Variants in CTXND1 observed in about 807,000 individuals in gnomAD.
CTXND1 encodes the protein cortexin domain-containing 1 protein.
rs2041448935 is a variant in CTXND1, at chr15:80,201,508, A to G, written c.*262T>C. ...CTATCATCTCACAGGGACTCCCCAC[A>G]CTGGAACCCCAGCCTCCTGGGTCCT... is the stretch of plus-strand genomic sequence containing the variant. On this transcript the variant is annotated 3_prime_UTR_variant, in exon 3 of 3. Transcript: ENST00000560778. 2 of 343,182 alleles carry G rather than the reference A, an allele frequency of 5.8e-6. No homozygotes were observed. The highest frequency in any genetic ancestry group is 3.1e-4 in the South Asian group (2 of 6,518). The allele number at this position is 343,182 out of a possible 1,614,324, so 21.3% of individuals were successfully genotyped here. A position where few individuals can be genotyped will look rare whatever the true frequency, so the allele number is the denominator to read the frequency against.
intron 1 of CTXND1, among the ~76,000 whole-genome samples, chr15:80,234,570 C>T (rs151309741): frequency 0.014 from 2,146 of 151,718 alleles, 63 homozygotes; most frequent in African/African-American, 0.05. Context: ...GTCTACCTCC[C>T]GGGTTCAAGT....
chr15:80,216,040 T>G (rs558783776), intron 1 of CTXND1, among the ~76,000 whole-genome samples: 3 of 152,366 alleles, frequency 2.0e-5, no homozygotes, highest in African/African-American at 7.2e-5. Flanking sequence ...CTATGTTAGA[T>G]TTCCACCTTG....
chr15:80,244,751 G>A (rs1478230756), intron 1 of CTXND1, among the ~76,000 whole-genome samples: 1 of 152,326 alleles, frequency 6.6e-6, no homozygotes, highest in African/African-American at 2.4e-5. Context: ...GATGCTGCTG[G>A]TCTGTGACCC....
chr15:80,206,135 T>C (rs1003724832), intron 1 of CTXND1, among the ~76,000 whole-genome samples: 1 of 152,242 alleles, frequency 6.6e-6, no homozygotes, highest in African/African-American at 2.4e-5. Context: ...TCCATCCTTT[T>C]TATTTTTGGA....
At chr15:80,233,452 C>T (rs922404309) in intron 1 of CTXND1, among the ~76,000 whole-genome samples, 4 of 152,150 alleles carry the variant, frequency 2.6e-5, no homozygotes, top group Non-Finnish European at 5.9e-5. Context: ...GTATCCAAGC[C>T]TCCAATCTGG....
intron 1 of CTXND1, among the ~76,000 whole-genome samples, chr15:80,235,081 T>G (rs1329337021): frequency 3.9e-5 from 6 of 152,120 alleles, no homozygotes; most frequent in Admixed American, 3.9e-4. Flanking sequence ...CCTTTGCCTC[T>G]CAGCTGCTCT....
intron 1 of CTXND1, among the ~76,000 whole-genome samples, chr15:80,249,008 A>G (rs768478732): frequency 2.0e-5 from 3 of 151,786 alleles, no homozygotes; most frequent in Non-Finnish European, 4.4e-5. Context: ...GCTGGAGTAT[A>G]GTGGTGCAAT....
At position 80,244,381 on chromosome 15, in the gene CTXND1, T is replaced by G. The variant is rs543876269; in HGVS notation, c.-218+7626A>C. ...GATCCTTACATTATTCTTGAAAAAT[T>G]GAACCACGAGGAGGCACAGCCCAAC... is the stretch of plus-strand genomic sequence containing the variant. On this transcript the variant is annotated intron_variant, in intron 1 of 2. Coordinates refer to ENST00000560778, the MANE Select transcript of CTXND1 (RefSeq NM_001352888.2). Among the ~76,000 whole-genome samples the G allele has an allele frequency of 2.6e-5, 4 of 152,314 alleles. No individual in the cohort carries two copies. The East Asian group carries it at 7.7e-4, about 29-fold the overall frequency.
At chr15:80,241,122 G>A (rs1427706890) in intron 1 of CTXND1, among the ~76,000 whole-genome samples, 1 of 152,166 alleles carries the variant, frequency 6.6e-6, no homozygotes, top group Non-Finnish European at 1.5e-5. Context: ...ACAAAGAGAT[G>A]GGGGCAACTA....
At chr15:80,220,106 C>T (rs1893296392) in intron 1 of CTXND1, among the ~76,000 whole-genome samples, 1 of 108,758 alleles carries the variant, frequency 9.2e-6, no homozygotes, top group African/African-American at 3.3e-5. Flanking sequence ...TCTCATCTAT[C>T]TATCTATCTA....
chr15:80,221,052 G>GCACCCGC (rs1893310641), intron 1 of CTXND1, among the ~76,000 whole-genome samples: 1 of 151,790 alleles, frequency 6.6e-6, no homozygotes, highest in Non-Finnish European at 1.5e-5. Flanking sequence ...GGGACTACAG[G>GCACCCGC]CACCCGCCAC....
intron 1 of CTXND1, among the ~76,000 whole-genome samples, chr15:80,209,003 A>G (rs1893178389): frequency 6.6e-6 from 1 of 152,174 alleles, no homozygotes; most frequent in South Asian, 2.1e-4. Flanking sequence ...TTGATTCTGA[A>G]ATCTCAGGCT....
chr15:80,250,094 T>C (rs1893676803), intron 1 of CTXND1, among the ~76,000 whole-genome samples: 2 of 152,222 alleles, frequency 1.3e-5, no homozygotes, highest in South Asian at 2.1e-4. Flanking sequence ...ATGAAAATAG[T>C]ATTGAATTTG....
At position 80,249,957 on chromosome 15, in the gene CTXND1, C is replaced by A. The variant is rs8038869; in HGVS notation, c.-218+2050G>T. Among the ~76,000 whole-genome samples the A allele has an allele frequency of 6.4e-3, 969 of 152,292 alleles. 12 individuals carry two copies. The highest frequency in any genetic ancestry group is 0.022 in the African/African-American group (931 of 41,554). Reference sequence around the variant, plus strand: ...ATTATGGTCTTCTTCTACATCAGAACTTATTAGGAGCATTAACCTCAGTCT... The same window carrying A: ...ATTATGGTCTTCTTCTACATCAGAAATTATTAGGAGCATTAACCTCAGTCT... On this transcript the variant is annotated intron_variant, in intron 1 of 2. Coordinates refer to ENST00000560778, the MANE Select transcript of CTXND1 (RefSeq NM_001352888.2).
intron 1 of CTXND1, among the ~76,000 whole-genome samples, chr15:80,235,284 C>G (rs925249457): frequency 3.3e-5 from 5 of 152,126 alleles, no homozygotes; most frequent in Admixed American, 2.6e-4. Context: ...CCCCAGAAGC[C>G]TAGGGTAAAT....
intron 1 of CTXND1, among the ~76,000 whole-genome samples, chr15:80,243,603 C>T (rs1466890776): frequency 1.3e-5 from 2 of 152,150 alleles, no homozygotes; most frequent in East Asian, 1.9e-4. Context: ...TATTTACCAT[C>T]GTCATTTTCC....
chr15:80,244,197 A>G (rs1893603353), intron 1 of CTXND1, among the ~76,000 whole-genome samples: 2 of 152,234 alleles, frequency 1.3e-5, no homozygotes. Context: ...GAACGTAAGT[A>G]ATCCTACTTA....
intron 1 of CTXND1, among the ~76,000 whole-genome samples, chr15:80,218,964 T>C (rs566507393): frequency 3.4e-4 from 52 of 151,108 alleles, no homozygotes; most frequent in Non-Finnish European, 6.5e-4. Flanking sequence ...CAGGGTCTTG[T>C]GCTGTCGCCC....
chr15:80,220,142 CT>C (rs1351698532), intron 1 of CTXND1, among the ~76,000 whole-genome samples: 38 of 112,024 alleles, frequency 3.4e-4, no homozygotes, highest in Middle Eastern at 4.5e-3. Context: ...ATCTATCTAT[CT>C]ATCATCTATC....
Sources: allele counts gnomAD v4.1 joint callset (sites outside exome capture counted in the v4.1 genomes callset), GRCh38; gene constraint gnomAD v4.1.1; transcripts MANE v1.5; gene names NCBI Gene and HGNC (gene_info 2026-07-23, HGNC 2026-07-21).